The following FGB variants were observed in gnomAD, a reference collection of about 807,000 sequenced individuals.
FGB encodes the protein beta-fibrinogen.
A neutral mutation model predicts 57.9 loss-of-function variants in FGB; 25 were observed. The ratio of observed to expected loss-of-function variants is 0.43; its 90% confidence interval spans 0.31 to 0.60. The LOEUF (loss-of-function observed/expected upper bound fraction) is 0.60, where lower values mean the gene tolerates loss of function less well. FGB is among the 20% of genes least tolerant of loss of function. The pLI is 0.08. For missense variants in FGB, 536 were observed against 598.4 expected (o/e 0.90, Z 1.09); for synonymous variants, 203 against 199.2 (o/e 1.02, Z -0.16).
At chr4:154,566,360 CT>C in intron 2 of FGB, 128 bp from the exon 3 acceptor site, 1 of 854,968 alleles carries the variant, frequency 1.2e-6, no homozygotes, top group Non-Finnish European at 1.9e-6. Context: ...AATTTCTGGT[CT>C]TACAGAAAAC....
In FGB at chr4:154,567,628, C is replaced by A. The variant is rs1730214172; in HGVS notation, c.526C>A (p.Leu176Met). The change falls in exon 4 of 8, where the codon CTG becomes ATG. Residue 176 changes from leucine (L) to methionine (M), a missense_variant. Coordinates refer to ENST00000302068, the MANE Select transcript of FGB (RefSeq NM_005141.5). ...TGTAGTCAATGAGTACTCCTCAGAA[C>A]TGGAAAAGCACCAATTATATATAGA... The part of the protein sequence containing the change: ...ENVVNEYSSE[L>M]EKHQLYIDET... 1 of 1,610,744 alleles carries A rather than the reference C, an allele frequency of 6.2e-7. No individual in the cohort carries two copies. Among genetic ancestry groups the A allele is most frequent in the Admixed American group, 1.7e-5 (1 of 59,994 alleles).
At position 154,565,907 on chromosome 4, in the gene FGB, C is replaced by T. The variant is rs755819016; in HGVS notation, c.214C>T (p.Arg72Trp). Residue 72 changes from arginine (R) to tryptophan (W), a missense_variant, in exon 2 of 8, where the codon CGG becomes TGG. Arg to Trp is a moderately radical substitution (Grantham distance 101). Coordinates refer to ENST00000302068, the MANE Select transcript of FGB (RefSeq NM_005141.5). ...APPPISGGGY[R>W]ARPAKAAATQ... ...ACCGCCCATCAGTGGAGGTGGCTATCGGGCTCGTCCAGCCAAAGCAGCTGC... is the reference window on the plus strand; with the variant it reads ...ACCGCCCATCAGTGGAGGTGGCTATTGGGCTCGTCCAGCCAAAGCAGCTGC... 7.4e-6 allele frequency: 12 copies of T among 1,613,928 alleles called. No individual in the cohort carries two copies. The highest frequency in any genetic ancestry group is 1.1e-5 in the South Asian group (1 of 91,086).
chr4:154,569,158 T>C (rs752235991), intron 5 of FGB, 24 bp from the exon 6 acceptor site: 3 of 1,613,742 alleles, frequency 1.9e-6, no homozygotes, highest in East Asian at 4.5e-5. Flanking sequence ...TAATATATGC[T>C]CTTTTTGTTT....
intron 3 of FGB, among the ~76,000 whole-genome samples, chr4:154,567,116 C>T (rs931303940): frequency 3.3e-5 from 5 of 152,106 alleles, no homozygotes; most frequent in African/African-American, 1.2e-4. Context: ...ACAGCTAGTG[C>T]GTGAGCCTGG....
At chr4:154,568,599 A>C (rs1730273676) in intron 5 of FGB, 105 bp downstream of exon 5, 9 of 744,914 alleles carry the variant, frequency 1.2e-5, no homozygotes, top group Middle Eastern at 2.9e-4. Flanking sequence ...TAATTCCAGC[A>C]CCTTGGGAGG....
In FGB at chr4:154,571,570, T is replaced by A. The variant is rs1012976999; in HGVS notation, c.*920T>A. On this transcript the variant is annotated 3_prime_UTR_variant, in exon 8 of 8. Transcript: ENST00000302068. ...AGAGATTCCAAGAGGACAATCTGCA[T>A]CAAGTCTTCACCAAGTGTTTTTTAA... Among the ~76,000 whole-genome samples, 1 of 152,000 alleles carries A rather than the reference T, an allele frequency of 6.6e-6. No individual in the cohort carries two copies. Among genetic ancestry groups the A allele is most frequent in the African/African-American group, 2.4e-5 (1 of 41,396 alleles).
chr4:154,567,635 AG>A lies in FGB; in HGVS notation c.534del (p.Lys178AsnfsTer6). ...VVNEYSSELE[K>X]HQLYIDETVN... ...AATGAGTACTCCTCAGAACTGGAAA[AG>A]CACCAATTATATATAGATGAGACTG... On this transcript the variant is annotated frameshift_variant, in exon 4 of 8. Transcript: ENST00000302068. LOFTEE classifies it high-confidence loss of function. 1 of 1,612,510 alleles carries A rather than the reference AG, an allele frequency of 6.2e-7. No individual in the cohort carries two copies. Among genetic ancestry groups the A allele is most frequent in the Non-Finnish European group, 8.5e-7 (1 of 1,178,522 alleles).
Position 154,569,534 on chromosome 4 carries a change from G to T in FGB, c.979G>T (p.Asp327Tyr), listed in dbSNP as rs368867072. 8.7e-6 allele frequency: 14 copies of T among 1,612,720 alleles called. No individual in the cohort carries two copies. Among genetic ancestry groups the T allele is most frequent in the Non-Finnish European group, 1.2e-5 (14 of 1,179,806 alleles). ...GLPGEYWLGN[D>Y]KISQLTRMGP... ...TTTAGGTGAATATTGGCTTGGAAAT[G>T]ATAAAATTAGCCAGCTTACCAGGAT... Residue 327 changes from aspartate to tyrosine, a missense_variant, in exon 7 of 8, where the codon GAT (aspartate) becomes TAT (tyrosine). By Grantham distance (160) the Asp-to-Tyr change is radical. Coordinates refer to ENST00000302068, the MANE Select transcript of FGB (RefSeq NM_005141.5).
At position 154,570,864 on chromosome 4, in the gene FGB, T is replaced by A; in HGVS notation, c.*214T>A. 1 of 587,516 alleles carries A rather than the reference T, an allele frequency of 1.7e-6. No individual in the cohort carries two copies. Among genetic ancestry groups the A allele is most frequent in the Admixed American group, 2.8e-5 (1 of 35,584 alleles). 36.4% of individuals were successfully genotyped at this position (587,516 alleles called of 1,614,324 possible). A position where few individuals can be genotyped will look rare whatever the true frequency, so the allele number is the denominator to read the frequency against. On this transcript the variant is annotated 3_prime_UTR_variant, in exon 8 of 8. Coordinates refer to ENST00000302068, the MANE Select transcript of FGB (RefSeq NM_005141.5). ...CTTGCTCACCAAGAAGTAACAAAAG[T>A]ATAGTTTTGACAGAGTTGGTGTTCA...
At position 154,569,698 on chromosome 4, in the gene FGB, T is replaced by C. The variant is rs778439014; in HGVS notation, c.1143T>C (p.Asn381=). 8 of 1,614,080 alleles carry C rather than the reference T, an allele frequency of 5.0e-6. No individual in the cohort carries two copies. Among genetic ancestry groups the C allele is most frequent in the South Asian group, 2.2e-5 (2 of 91,076 alleles). Residue 381 remains asparagine, a synonymous_variant, in exon 7 of 8, where the codon AAT becomes AAC. Transcript: ENST00000302068. ...SVNKYRGTAG[N]ALMDGASQLM... ...ACAAATACAGAGGAACAGCCGGTAATGCCCTCATGGATGGAGCATCTCAGC... is the reference window on the plus strand; with the variant it reads ...ACAAATACAGAGGAACAGCCGGTAACGCCCTCATGGATGGAGCATCTCAGC...
chr4:154,569,851 C>T (rs1276993052), intron 7 of FGB, 52 bp downstream of exon 7: 8 of 1,593,112 alleles, frequency 5.0e-6, no homozygotes, highest in African/African-American at 4.0e-5. Context: ...AATATCATTA[C>T]TCAGAATCAT....
At position 154,570,655 on chromosome 4, in the gene FGB, C is replaced by T. The variant is rs1730385134; in HGVS notation, c.*5C>T. On this transcript the variant is annotated 3_prime_UTR_variant, in exon 8 of 8. Transcript: ENST00000302068. ...CCCTTCTTCCCACAGCAATAGTCCC[C>T]AATACGTAGATTTTTGCTCTTCTGT... 3 of 1,606,992 alleles carry T rather than the reference C, an allele frequency of 1.9e-6. No individual in the cohort carries two copies. The East Asian group carries it at 6.7e-5, about 36-fold the overall frequency.
chr4:154,567,754 G>A lies in FGB; in HGVS notation c.652G>A (p.Ala218Thr). 1 of 1,614,126 alleles carries A rather than the reference G, an allele frequency of 6.2e-7. No homozygotes were observed. The highest frequency in any genetic ancestry group is 8.5e-7 in the Non-Finnish European group (1 of 1,180,016). ...KIQKLESDVS[A>T]QMEYCRTPCT... The stretch of plus-strand genomic sequence containing the variant: ...ACAAAAGTTAGAATCTGATGTCTCA[G>A]CTCAAATGGAATATTGTCGCACCCC... Residue 218 changes from alanine (A) to threonine (T), a missense_variant, in exon 4 of 8, where the codon GCT becomes ACT. Around this residue, in one of 3 missense-constraint regions of FGB, gnomAD observed 354 missense variants for 383.4 expected, o/e 0.92. Transcript: ENST00000302068.
In FGB at chr4:154,568,397, C is replaced by T; in HGVS notation, c.735C>T (p.Ile245=). Reference sequence around the variant, plus strand: ...CATTTGCAGAATGTGAGGAAATTATCAGGAAAGGAGGTGAAACATCTGAAA... The same window carrying T: ...CATTTGCAGAATGTGAGGAAATTATTAGGAAAGGAGGTGAAACATCTGAAA... ...VVSGKECEEI[I]RKGGETSEMY... is the part of the protein sequence containing the mutation. The change falls in exon 5 of 8, where the codon ATC becomes ATT. Residue 245 remains isoleucine (I), a synonymous_variant. Transcript: ENST00000302068. 1 of 1,589,410 alleles carries T rather than the reference C, an allele frequency of 6.3e-7. No individual in the cohort carries two copies. Among genetic ancestry groups the T allele is most frequent in the Non-Finnish European group, 8.6e-7 (1 of 1,157,534 alleles).
Position 154,567,796 on chromosome 4 carries a change from A to G in FGB, c.694A>G (p.Asn232Asp). 1 of 1,613,628 alleles carries G rather than the reference A, an allele frequency of 6.2e-7. No homozygotes were observed. The highest frequency in any genetic ancestry group is 1.1e-5 in the South Asian group (1 of 91,084). ...YCRTPCTVSCNIPVVSGKECE... is the reference protein window; with the variant it reads ...YCRTPCTVSCDIPVVSGKECE... ...TCGCACCCCATGCACTGTCAGTTGC[A>G]ATATTCCTGTGGTGTCTGGCAAAGG... is the stretch of plus-strand genomic sequence containing the variant. Residue 232 changes from asparagine (N) to aspartate (D), a missense_variant, in exon 4 of 8, where the codon AAT becomes GAT. Coordinates refer to ENST00000302068, the MANE Select transcript of FGB (RefSeq NM_005141.5).
intron 7 of FGB, 117 bp downstream of exon 7, chr4:154,569,916 C>T: frequency 9.1e-7 from 1 of 1,099,746 alleles, no homozygotes; most frequent in Non-Finnish European, 1.4e-6. Flanking sequence ...AGCCACTGTC[C>T]TAAGCTCTTT....
chr4:154,566,830 C>A, intron 3 of FGB, 158 bp downstream of exon 3: 1 of 693,764 alleles, frequency 1.4e-6, no homozygotes, highest in Non-Finnish European at 2.6e-6. Flanking sequence ...GCCAGATAAG[C>A]ACTATTCAGC....
chr4:154,569,080 A>C, intron 5 of FGB, 102 bp from the exon 6 acceptor site: 2 of 1,303,154 alleles, frequency 1.5e-6, no homozygotes, highest in Non-Finnish European at 2.2e-6. Flanking sequence ...AGAGCACCAA[A>C]TATATACTAA....
At chr4:154,568,950 G>A (rs1022295036) in intron 5 of FGB, among the ~76,000 whole-genome samples, 3 of 152,102 alleles carry the variant, frequency 2.0e-5, no homozygotes, top group African/African-American at 4.8e-5. Context: ...AATTCAACCT[G>A]ATATTTAAAA....
Sources: gnomAD v4.1 joint callset for allele counts (sites outside exome capture counted in the v4.1 genomes callset) on GRCh38, gnomAD v4.1.1 for gene constraint, gnomAD v4.1.1 regional missense constraint, MANE v1.5 for transcripts, NCBI Gene and HGNC (gene_info 2026-07-23, HGNC 2026-07-21) for gene names.